The following SYNE1 variants were observed in gnomAD, a reference collection of about 807,000 sequenced individuals.
The protein encoded by SYNE1 is nesprin-1.
Under a neutral mutation model 1,111.0 loss-of-function variants are expected in SYNE1, and 616 were observed. The observed-to-expected ratio is 0.55, with a 90% confidence interval of 0.52 to 0.59. SYNE1 has a LOEUF of 0.59. Ranked by LOEUF, SYNE1 falls within the 20% of genes least tolerant of loss-of-function variation. SYNE1 has a pLI of 0.00. For synonymous variants in SYNE1, 3,855 were observed against 3,825.8 expected (o/e 1.01, Z -0.28); for missense variants, 10,006 against 10,417.0 (o/e 0.96, Z 1.72).
intron 89 of SYNE1, 53 bp downstream of exon 89, chr6:152,310,343 C>T: frequency 6.2e-7 from 1 of 1,611,098 alleles, no homozygotes; most frequent in Non-Finnish European, 8.5e-7. Flanking sequence ...TTACTATCCT[C>T]TTTTAAAAAT....
In SYNE1 at chr6:152,614,949, G is replaced by C. The variant is rs150921955; in HGVS notation, c.67+13316C>G. Among the ~76,000 whole-genome samples, 536 of 152,112 alleles carry C rather than the reference G, an allele frequency of 3.5e-3. 4 individuals are homozygous for C. Among genetic ancestry groups the C allele is most frequent in the Non-Finnish European group, 6.1e-3 (416 of 67,956 alleles). On this transcript the variant is annotated intron_variant, in intron 3 of 145. Transcript: ENST00000367255. ...CTGAACAATGAGAACACTTGGAGAC[G>C]GGGGCAGGGGAGAACATCACATACC...
chr6:152,564,397 G>A (rs2099404760), intron 3 of SYNE1, among the ~76,000 whole-genome samples: 2 of 152,088 alleles, frequency 1.3e-5, no homozygotes, highest in Admixed American at 6.5e-5. Flanking sequence ...GCTCACTATA[G>A]CCTCAACCTC....
chr6:152,181,853 A>C (rs986698099), intron 128 of SYNE1, among the ~76,000 whole-genome samples: 1 of 152,202 alleles, frequency 6.6e-6, no homozygotes, highest in Non-Finnish European at 1.5e-5. Flanking sequence ...GTAACACTAT[A>C]GATTGTTTTC....
intron 14 of SYNE1, chr6:152,480,712 C>A (rs749438339): frequency 1.1e-5 from 5 of 455,550 alleles, no homozygotes; most frequent in South Asian, 7.8e-5. Context: ...CTAATATTCA[C>A]CTTGAACCTG....
At chr6:152,211,398 A>G (rs2077496594) in intron 124 of SYNE1, 96 bp downstream of exon 124, 1 of 1,024,120 alleles carries the variant, frequency 9.8e-7, no homozygotes, top group African/African-American at 1.6e-5. Context: ...CAATTGCCTC[A>G]GGAAGATTGG....
At position 152,483,176 on chromosome 6, in the gene SYNE1, C is replaced by T. The variant is rs758392851; in HGVS notation, c.1259G>A (p.Arg420Lys). The T allele has an allele frequency of 1.9e-6, 3 of 1,614,082 alleles. No individual in the cohort carries two copies. The highest frequency in any genetic ancestry group is 1.7e-5 in the Admixed American group (1 of 60,012). ...TTCCTCTCTCAGGGCCACCTCCGCT[C>T]TGTACAGCCAGGCACCTATGGTGCC... Reference protein sequence around the residue: ...PLGTIGAWLYRAEVALREEIT... With the variant: ...PLGTIGAWLYKAEVALREEIT... Residue 420 changes from arginine to lysine, a missense_variant, in exon 14 of 146, where the codon AGA becomes AAA. Coordinates refer to ENST00000367255, the MANE Select transcript of SYNE1 (RefSeq NM_182961.4).
At chr6:152,417,160 A>T in intron 40 of SYNE1, 145 bp from the exon 41 acceptor site, 1 of 1,269,084 alleles carries the variant, frequency 7.9e-7, no homozygotes, top group South Asian at 1.4e-5. Context: ...AATCTTAGAA[A>T]ATTCACAAAA....
chr6:152,441,115 G>A lies in SYNE1; in HGVS notation c.4149+15C>T. ...GTTTTTTCTGAATATTGGGTACCAA[G>A]GAGCCATAATATACCTTTGTTTGTT... is the stretch of plus-strand genomic sequence containing the variant. On this transcript the variant is annotated intron_variant, in intron 32 of 145. Transcript: ENST00000367255. 2 of 1,613,050 alleles carry A rather than the reference G, an allele frequency of 1.2e-6. No homozygotes were observed. The highest frequency in any genetic ancestry group is 4.5e-5 in the East Asian group (2 of 44,772).
chr6:152,131,761 C>T (rs576691930), intron 144 of SYNE1, among the ~76,000 whole-genome samples: 8 of 152,256 alleles, frequency 5.3e-5, no homozygotes, highest in South Asian at 2.1e-4. Context: ...CGAGGCGCCC[C>T]GCAAGTGGAG....
At chr6:152,170,601 G>A (rs749360838) in intron 130 of SYNE1, among the ~76,000 whole-genome samples, 5 of 152,148 alleles carry the variant, frequency 3.3e-5, no homozygotes, top group South Asian at 2.1e-4. Flanking sequence ...AATACCAGCC[G>A]TGAATTCCAA....
intron 124 of SYNE1, 68 bp from the exon 125 acceptor site, chr6:152,208,274 T>G: frequency 7.2e-7 from 1 of 1,383,808 alleles, no homozygotes; most frequent in Non-Finnish European, 1.0e-6. Flanking sequence ...AATCAGCCAA[T>G]GTATACACTG....
chr6:152,580,273 C>T (rs991629408), intron 3 of SYNE1, among the ~76,000 whole-genome samples: 4 of 152,070 alleles, frequency 2.6e-5, no homozygotes, highest in African/African-American at 9.7e-5. Flanking sequence ...TGAGTGATGT[C>T]GAACATTTTT....
chr6:152,216,129 T>C (rs1284951911), intron 121 of SYNE1, among the ~76,000 whole-genome samples: 3 of 152,220 alleles, frequency 2.0e-5, no homozygotes, highest in African/African-American at 7.2e-5. Flanking sequence ...GTCTTCTCTT[T>C]GCATGTTCTG....
intron 3 of SYNE1, among the ~76,000 whole-genome samples, chr6:152,579,107 G>C (rs922631040): frequency 6.6e-6 from 1 of 152,136 alleles, no homozygotes; most frequent in Non-Finnish European, 1.5e-5. Context: ...GTAGAAGATT[G>C]CATTTTCCAA....
intron 104 of SYNE1, 146 bp from the exon 105 acceptor site, chr6:152,249,408 A>G: frequency 1.5e-6 from 1 of 684,744 alleles, no homozygotes; most frequent in East Asian, 2.7e-5. Context: ...GGAAGGTAAA[A>G]GGAACTGGTA....
At position 152,176,572 on chromosome 6, in the gene SYNE1, A is replaced by G; in HGVS notation, c.23461-12T>C. 1 of 1,613,736 alleles carries G rather than the reference A, an allele frequency of 6.2e-7. No individual in the cohort carries two copies. The highest frequency in any genetic ancestry group is 8.5e-7 in the Non-Finnish European group (1 of 1,179,676). On this transcript the variant is annotated splice_polypyrimidine_tract_variant and intron_variant, in intron 129 of 145. Transcript: ENST00000367255. ...TCCTCTTGATAATCCTGTGTAATAA[A>G]TAGCAATCACAGAGGTCAGAAAGCA...
intron 104 of SYNE1, among the ~76,000 whole-genome samples, chr6:152,252,480 G>T (rs1281525238): frequency 1.3e-5 from 2 of 152,062 alleles, no homozygotes; most frequent in Non-Finnish European, 2.9e-5. Flanking sequence ...ACTTTATTGT[G>T]ATTCTATATA....
chr6:152,149,125 C>A (rs1169302920), intron 136 of SYNE1, among the ~76,000 whole-genome samples: 1 of 152,204 alleles, frequency 6.6e-6, no homozygotes, highest in African/African-American at 2.4e-5. Flanking sequence ...TAGAGCAGTG[C>A]TGCCCCATGT....
chr6:152,346,698 T>C (rs2096640433), intron 73 of SYNE1, among the ~76,000 whole-genome samples: 2 of 151,922 alleles, frequency 1.3e-5, no homozygotes, highest in Admixed American at 6.5e-5. Flanking sequence ...TAGTCCCAGC[T>C]ACTCGGGAGG....
Sources: allele counts gnomAD v4.1 joint callset (sites outside exome capture counted in the v4.1 genomes callset), GRCh38; gene constraint gnomAD v4.1.1; transcripts MANE v1.5; gene names NCBI Gene and HGNC (gene_info 2026-07-23, HGNC 2026-07-21).